CAST: variants seen among roughly 807,000 people sequenced by gnomAD.
CAST encodes the protein calpastatin.
A neutral mutation model predicts 119.6 loss-of-function variants in CAST; 76 were observed. The observed-to-expected ratio is 0.64, with a 90% CI of 0.53 to 0.77. CAST has a LOEUF of 0.77. Ranked by LOEUF, CAST falls within the 30% of genes least tolerant of loss-of-function variation. CAST has a pLI of 0.00. For synonymous variants in CAST, 319 were observed against 331.6 expected, an observed-to-expected ratio of 0.96 and a Z score of 0.41; for missense variants, 953 against 946.5, an observed-to-expected ratio of 1.01 and a Z score of -0.09.
At chr5:96,323,918 A>C in the CAST span, among the ~76,000 whole-genome samples, 1 of 152,196 alleles carries the variant, frequency 6.6e-6, no homozygotes, top group Admixed American at 6.5e-5. Flanking sequence ...TGAACAGTGC[A>C]GTTCTCCTTT....
chr5:95,967,854 T>A, the CAST span, among the ~76,000 whole-genome samples: 1 of 152,202 alleles, frequency 6.6e-6, no homozygotes, highest in East Asian at 1.9e-4. Flanking sequence ...AAGCTTATTC[T>A]TGATGGGGTT....
chr5:96,757,656 T>C lies in CAST; in HGVS notation c.1833+2T>C. 1 of 1,596,048 alleles carries C rather than the reference T, an allele frequency of 6.3e-7. No individual in the cohort carries two copies. Among genetic ancestry groups the C allele is most frequent in the East Asian group, 2.2e-5 (1 of 44,770 alleles). On this transcript the variant is annotated splice_donor_variant, in intron 24 of 31. Transcript: ENST00000675179. LOFTEE classifies it high-confidence loss of function. ...GGTCCACAAAATGCTTCATCTCTTG[T>C]AAGTCCAAAACTCTTGGTTTTATTT...
the CAST span, among the ~76,000 whole-genome samples, chr5:96,357,848 A>G: frequency 1.3e-5 from 2 of 152,168 alleles, no homozygotes; most frequent in South Asian, 4.1e-4. Context: ...GCCTCATATA[A>G]TGAGTTAGAT....
chr5:96,000,346 TTA>T, the CAST span, among the ~76,000 whole-genome samples: 2 of 152,232 alleles, frequency 1.3e-5, no homozygotes, highest in African/African-American at 4.8e-5. Flanking sequence ...GTCTTCAAGG[TTA>T]TCTCCTATGC....
chr5:96,554,310 T>C (rs150249437), intron 1 of CAST, among the ~76,000 whole-genome samples: 1 of 152,190 alleles, frequency 6.6e-6, no homozygotes, highest in East Asian at 1.9e-4. Context: ...GGGGAAAAGA[T>C]TCCCTATTTA....
At chr5:96,058,475 T>C in the CAST span, among the ~76,000 whole-genome samples, 1 of 152,102 alleles carries the variant, frequency 6.6e-6, no homozygotes, top group African/African-American at 2.4e-5. Flanking sequence ...GTCAACTTCA[T>C]GTTTTCAAAT....
the CAST span, among the ~76,000 whole-genome samples, chr5:96,426,855 A>G: frequency 6.6e-6 from 1 of 152,234 alleles, no homozygotes; most frequent in East Asian, 1.9e-4. Context: ...AAAACCATCC[A>G]CTAAGACTGC....
chr5:96,147,576 C>T, the CAST span, among the ~76,000 whole-genome samples: 2 of 152,162 alleles, frequency 1.3e-5, no homozygotes, highest in Admixed American at 1.3e-4. Flanking sequence ...GCACTCCAGC[C>T]TGGGCGACAG....
At chr5:96,426,499 G>A in the CAST span, among the ~76,000 whole-genome samples, 1 of 152,030 alleles carries the variant, frequency 6.6e-6, no homozygotes, top group Non-Finnish European at 1.5e-5. Flanking sequence ...ACAGATCCTG[G>A]GTGATGAATG....
chr5:96,112,853 C>T, the CAST span, among the ~76,000 whole-genome samples: 556 of 152,316 alleles, frequency 3.7e-3, 3 homozygotes, highest in African/African-American at 0.013. Flanking sequence ...CCCTCATGAT[C>T]ATGCGGCTGA....
chr5:96,255,020 T>C, the CAST span, among the ~76,000 whole-genome samples: 2 of 152,126 alleles, frequency 1.3e-5, no homozygotes, highest in Non-Finnish European at 2.9e-5. Flanking sequence ...TGCATTTCCT[T>C]GTAGCTTATG....
the CAST span, among the ~76,000 whole-genome samples, chr5:96,153,087 A>T: frequency 1.3e-5 from 2 of 152,254 alleles, no homozygotes; most frequent in East Asian, 3.8e-4. Flanking sequence ...GTACAAATAA[A>T]ACGTGTGAAA....
the CAST span, among the ~76,000 whole-genome samples, chr5:96,134,382 A>G: frequency 6.6e-6 from 1 of 152,162 alleles, no homozygotes; most frequent in Admixed American, 6.5e-5. Context: ...TATATATTAC[A>G]TCTGTGAAAA....
At chr5:96,739,924 A>C in intron 11 of CAST, 114 bp from the exon 12 acceptor site, 9 of 623,430 alleles carry the variant, frequency 1.4e-5, no homozygotes, top group Non-Finnish European at 2.6e-5. Context: ...TTTATCGTTC[A>C]TCTCAGTACT....
the CAST span, among the ~76,000 whole-genome samples, chr5:96,092,385 A>G: frequency 6.6e-6 from 1 of 152,234 alleles, no homozygotes; most frequent in African/African-American, 2.4e-5. Context: ...ACTAGAAAGC[A>G]GGAAAAACAT....
At chr5:96,515,974 T>TTCTC in the CAST span, among the ~76,000 whole-genome samples, 1 of 52,582 alleles carries the variant, frequency 1.9e-5, no homozygotes, top group African/African-American at 6.8e-5. Flanking sequence ...ACATAGTCTA[T>TTCTC]TCTCTCACCT....
the CAST span, among the ~76,000 whole-genome samples, chr5:96,435,627 G>A: frequency 3.3e-5 from 5 of 152,184 alleles, no homozygotes; most frequent in South Asian, 2.1e-4. Flanking sequence ...TCACCCTTAA[G>A]TTGGTTTTAA....
the CAST span, among the ~76,000 whole-genome samples, chr5:96,236,895 C>T: frequency 2.6e-5 from 4 of 152,242 alleles, no homozygotes; most frequent in Non-Finnish European, 5.9e-5. Context: ...TGTGATAATG[C>T]AACCCTGTCT....
At chr5:96,740,688 C>T in intron 12 of CAST, 57 bp from the exon 13 acceptor site, 4 of 1,291,618 alleles carry the variant, frequency 3.1e-6, no homozygotes, top group Non-Finnish European at 4.5e-6. Context: ...ATACATTTTG[C>T]CGATCTTAAG....
Sources: gnomAD v4.1 joint callset for allele counts (sites outside exome capture counted in the v4.1 genomes callset) on GRCh38, gnomAD v4.1.1 for gene constraint, MANE v1.5 for transcripts, NCBI Gene and HGNC (gene_info 2026-07-23, HGNC 2026-07-21) for gene names.